The following CLRN2 variants were observed in gnomAD, a reference collection of about 807,000 sequenced individuals.
CLRN2 encodes clarin-2.
Under a neutral mutation model 20.1 loss-of-function variants are expected in CLRN2, and 17 were observed. The ratio of observed to expected loss-of-function variants is 0.85; its 90% CI spans 0.58 to 1.27. The LOEUF (loss-of-function observed/expected upper bound fraction) is 1.27. Among genes scored for constraint, CLRN2 ranks in the 50% most tolerant of loss-of-function variants. The pLI is 0.00. For synonymous variants in CLRN2, 140 were observed against 126.9 expected, an observed-to-expected ratio of 1.10 and a Z score of -0.70; for missense variants, 288 against 299.5, an observed-to-expected ratio of 0.96 and a Z score of 0.28.
rs558705717 is a variant in CLRN2, at chr4:17,526,113, A to G, written c.434-704A>G. On this transcript the variant is annotated intron_variant, in intron 2 of 2. Transcript: ENST00000511148. ...TGAATGGTCATCCTTATCCTTAAGC[A>G]TGGAAGGAGGATAATTAAACAGGAG... Among the ~76,000 whole-genome samples, 7 of 152,234 alleles carry G rather than the reference A, an allele frequency of 4.6e-5. No individual in the cohort carries two copies. The East Asian group carries it at 1.4e-3, about 29-fold the overall frequency.
chr4:17,523,037 C>G lies in CLRN2; in HGVS notation c.427C>G (p.Leu143Val). Residue 143 changes from leucine (L) to valine (V), a missense_variant, in exon 2 of 3, where the codon CTG (leucine) becomes GTG (valine). Coordinates refer to ENST00000511148, the MANE Select transcript of CLRN2 (RefSeq NM_001079827.2). ...TGGGGGCATCTGCCTATGGAATGTC[C>G]TGGCAGGTAAGAAGTCCCTTAGGGA... ...GPGGICLWNV[L>V]AGGVVALAIA... The G allele has an allele frequency of 1.2e-6, 2 of 1,611,556 alleles. No individual in the cohort carries two copies. Among genetic ancestry groups the G allele is most frequent in the African/African-American group, 1.3e-5 (1 of 74,986 alleles).
intron 1 of CLRN2, among the ~76,000 whole-genome samples, chr4:17,519,073 C>G (rs1475658762): frequency 2.0e-5 from 3 of 152,224 alleles, no homozygotes; most frequent in African/African-American, 7.2e-5. Flanking sequence ...GTGGCCAGGA[C>G]CTGGGTTTGA....
chr4:17,523,191 T>C lies in CLRN2; in HGVS notation c.433+148T>C, dbSNP rs1326288862. On this transcript the variant is annotated intron_variant, in intron 2 of 2. Coordinates refer to ENST00000511148, the MANE Select transcript of CLRN2 (RefSeq NM_001079827.2). ...TAAGACCTTCTTGATGGGCATGGAA[T>C]GAATGTCCTCTTTTTCTTTTTCTTT... is the stretch of plus-strand genomic sequence containing the variant. The C allele has an allele frequency of 7.9e-6, 4 of 508,832 alleles. No individual in the cohort carries two copies. In the African/African-American group the frequency reaches 7.9e-5, roughly 10 times the overall value. 31.5% of individuals were successfully genotyped at this position (508,832 alleles called of 1,614,324 possible).
At chr4:17,517,024 A>T (rs1381381662) in intron 1 of CLRN2, among the ~76,000 whole-genome samples, 1 of 152,150 alleles carries the variant, frequency 6.6e-6, no homozygotes, top group Non-Finnish European at 1.5e-5. Flanking sequence ...GGAAAGAGAG[A>T]TGGGGAAGTG....
chr4:17,516,243 G>A (rs1415825300), intron 1 of CLRN2, among the ~76,000 whole-genome samples: 1 of 152,226 alleles, frequency 6.6e-6, no homozygotes, highest in Non-Finnish European at 1.5e-5. Context: ...CTGGCATTCA[G>A]TGTAGCATCA....
At chr4:17,516,974 C>A (rs964719092) in intron 1 of CLRN2, among the ~76,000 whole-genome samples, 4 of 152,158 alleles carry the variant, frequency 2.6e-5, no homozygotes, top group Non-Finnish European at 5.9e-5. Flanking sequence ...TGTCCGCTAT[C>A]TCAATGGGGT....
chr4:17,522,922 C>T lies in CLRN2; in HGVS notation c.312C>T (p.Leu104=), dbSNP rs755221285. Residue 104 remains leucine (L), a synonymous_variant, in exon 2 of 3, where the codon CTC becomes CTT. Transcript: ENST00000511148. Reference sequence around the variant, plus strand: ...GCCTTCATGTGATGATTCTGCTGCTCCTCTTCCTGGCCTTGGCCCTGGCTC... The same window carrying T: ...GCCTTCATGTGATGATTCTGCTGCTTCTCTTCCTGGCCTTGGCCCTGGCTC... The part of the protein sequence containing the change: ...NAGLHVMILL[L]LFLALALALV... 1.3e-5 allele frequency: 21 copies of T among 1,613,916 alleles called. 1 individual carries two copies. The Admixed American group carries it at 1.7e-4, about 13-fold the overall frequency.
rs1209247614 is a variant in CLRN2, at chr4:17,515,232, C to T, written c.-35C>T. 1.4e-5 allele frequency: 22 copies of T among 1,606,870 alleles called. No homozygotes were observed. Among genetic ancestry groups the T allele is most frequent in the Non-Finnish European group, 1.9e-5 (22 of 1,175,688 alleles). Reference sequence around the variant, plus strand: ...AAGATGTCAATGACCCTCGCTGCTGCTCGGAGACCTTGGGGATGACCTGCA... The same window carrying T: ...AAGATGTCAATGACCCTCGCTGCTGTTCGGAGACCTTGGGGATGACCTGCA... On this transcript the variant is annotated 5_prime_UTR_variant, in exon 1 of 3. Transcript: ENST00000511148.
chr4:17,522,824 A>T, intron 1 of CLRN2, 40 bp from the exon 2 acceptor site: 1 of 1,597,622 alleles, frequency 6.3e-7, no homozygotes, highest in Non-Finnish European at 8.6e-7. Context: ...AGTGAGTCTA[A>T]CTCTGACATT....
intron 2 of CLRN2, among the ~76,000 whole-genome samples, chr4:17,525,597 C>T (rs1711954399): frequency 6.6e-6 from 1 of 152,140 alleles, no homozygotes; most frequent in African/African-American, 2.4e-5. Context: ...CTGCAGTGAG[C>T]CGTGATCATG....
chr4:17,517,182 A>G (rs571134251), intron 1 of CLRN2, among the ~76,000 whole-genome samples: 1 of 152,352 alleles, frequency 6.6e-6, no homozygotes, highest in South Asian at 2.1e-4. Context: ...AACAGACTTT[A>G]GTCTTTCTTC....
intron 1 of CLRN2, among the ~76,000 whole-genome samples, chr4:17,521,291 T>C (rs1711831105): frequency 6.6e-6 from 1 of 151,880 alleles, no homozygotes; most frequent in Non-Finnish European, 1.5e-5. Context: ...AAACGTGGAG[T>C]GCCTGAAAAT....
intron 2 of CLRN2, among the ~76,000 whole-genome samples, chr4:17,523,543 C>T (rs549222583): frequency 2.0e-5 from 3 of 151,676 alleles, no homozygotes; most frequent in East Asian, 1.9e-4. Flanking sequence ...TATTAGAGTA[C>T]GTGAATGGCT....
chr4:17,522,856 C>T lies in CLRN2; in HGVS notation c.254-8C>T, dbSNP rs1711865908. On this transcript the variant is annotated splice_polypyrimidine_tract_variant and splice_region_variant and intron_variant, in intron 1 of 2. Transcript: ENST00000511148. The stretch of plus-strand genomic sequence containing the variant: ...CATTGAAATAGTGGCTGTGTCTTGT[C>T]TCCCCAGTCTTCCCACACCTGGTGA... 3 of 1,610,904 alleles carry T rather than the reference C, an allele frequency of 1.9e-6. No individual in the cohort carries two copies. The highest frequency in any genetic ancestry group is 2.2e-5 in the East Asian group (1 of 44,790).
Position 17,527,059 on chromosome 4 carries a change from A to G in CLRN2, c.676A>G (p.Thr226Ala). The stretch of plus-strand genomic sequence containing the variant: ...GACCAAAATCGAAGAGGCCACGGTC[A>G]CAGCTGAGGATATCTTGTATTAATA... ...IKTKIEEATV[T>A]AEDILY Residue 226 changes from threonine (T) to alanine (A), a missense_variant, in exon 3 of 3, where the codon ACA (threonine) becomes GCA (alanine). Coordinates refer to ENST00000511148, the MANE Select transcript of CLRN2 (RefSeq NM_001079827.2). The G allele has an allele frequency of 1.2e-6, 2 of 1,613,986 alleles. No homozygotes were observed. Among genetic ancestry groups the G allele is most frequent in the Middle Eastern group, 1.6e-4 (1 of 6,062 alleles).
chr4:17,516,887 A>G (rs922292489), intron 1 of CLRN2, among the ~76,000 whole-genome samples: 5 of 152,228 alleles, frequency 3.3e-5, no homozygotes, highest in East Asian at 1.9e-4. Flanking sequence ...TAAACAATCT[A>G]CTGACAAAAG....
intron 2 of CLRN2, among the ~76,000 whole-genome samples, chr4:17,525,515 T>A (rs1711951505): frequency 6.6e-6 from 1 of 152,044 alleles, no homozygotes; most frequent in Non-Finnish European, 1.5e-5. Context: ...CCAAGCATGG[T>A]GGCATGCACC....
At chr4:17,523,137 C>G (rs1711874700) in intron 2 of CLRN2, 94 bp downstream of exon 2, 2 of 1,059,348 alleles carry the variant, frequency 1.9e-6, no homozygotes, top group Admixed American at 2.7e-5. Context: ...AACTAAAATG[C>G]CCCACTGGAG....
At chr4:17,519,638 G>A (rs1711787897) in intron 1 of CLRN2, among the ~76,000 whole-genome samples, 3 of 152,202 alleles carry the variant, frequency 2.0e-5, no homozygotes, top group Admixed American at 2.0e-4. Context: ...ATCACCATGA[G>A]TCGTGTGTAG....
Sources: gnomAD v4.1 joint callset for allele counts (sites outside exome capture counted in the v4.1 genomes callset) on GRCh38, gnomAD v4.1.1 for gene constraint, MANE v1.5 for transcripts, NCBI Gene and HGNC (gene_info 2026-07-23, HGNC 2026-07-21) for gene names.